The following KDM2B variants were observed in gnomAD, a reference collection of about 807,000 sequenced individuals.
KDM2B encodes lysine demethylase 2B, also known as lysine-specific demethylase 2B.
In KDM2B, 26 loss-of-function variants were observed where a neutral mutation model predicts 150.0. That is an observed-to-expected ratio of 0.17 (90% CI 0.13 to 0.24). The LOEUF is 0.24. Among genes scored for constraint, KDM2B ranks in the 10% least tolerant of loss-of-function variants. KDM2B has a pLI of 1.00. For missense variants in KDM2B, 1,265 were observed against 1,816.9 expected (o/e 0.70, Z 5.52); for synonymous variants, 734 against 729.5 (o/e 1.01, Z -0.10).
intron 22 of KDM2B, among the ~76,000 whole-genome samples, chr12:121,437,125 G>C (rs559750683): frequency 2.0e-5 from 3 of 151,960 alleles, no homozygotes; most frequent in African/African-American, 7.3e-5. Flanking sequence ...GCAGTGGGGC[G>C]GGCAGTCCCA....
At chr12:121,456,584 G>GA (rs1416711298) in intron 12 of KDM2B, among the ~76,000 whole-genome samples, 12 of 152,100 alleles carry the variant, frequency 7.9e-5, no homozygotes, top group Non-Finnish European at 8.8e-5. Flanking sequence ...GTAAAAAACT[G>GA]AAAAAATTCC....
chr12:121,573,568 C>T (rs1891274119), intron 4 of KDM2B, among the ~76,000 whole-genome samples: 1 of 151,232 alleles, frequency 6.6e-6, no homozygotes, highest in South Asian at 2.1e-4. Context: ...AGCCACCACC[C>T]TCGGCCTACT....
In KDM2B at chr12:121,439,840, G is replaced by T; in HGVS notation, c.3829+17C>A. The T allele has an allele frequency of 6.2e-7, 1 of 1,606,506 alleles. No homozygotes were observed. On this transcript the variant is annotated intron_variant, in intron 22 of 22. Transcript: ENST00000377071. ...CCACGGAGTGTTAGGCAGACCCGAT[G>T]GGGGCCCCTGACTCACCAGACAGGT...
At chr12:121,511,445 C>A (rs1885586165) in intron 10 of KDM2B, among the ~76,000 whole-genome samples, 1 of 152,144 alleles carries the variant, frequency 6.6e-6, no homozygotes, top group East Asian at 1.9e-4. Context: ...TGCCACCACA[C>A]TGAACTAATT....
intron 4 of KDM2B, among the ~76,000 whole-genome samples, chr12:121,573,027 T>C (rs1303057951): frequency 1.3e-5 from 2 of 151,816 alleles, no homozygotes; most frequent in African/African-American, 4.8e-5. Flanking sequence ...GGTTTCACCA[T>C]GTTGGCCAGG....
rs548188991 is a variant in KDM2B, at chr12:121,452,396, A to G, written c.1959+724T>C. 3.7e-4 allele frequency among the ~76,000 whole-genome samples: 57 copies of G among 152,326 alleles called. No individual in the cohort carries two copies. In the South Asian group the frequency reaches 0.011, roughly 30 times the overall value. On this transcript the variant is annotated intron_variant, in intron 13 of 22. Coordinates refer to ENST00000377071, the MANE Select transcript of KDM2B (RefSeq NM_032590.5). The surrounding 1 kb of genome is among the most constrained non-coding windows in gnomAD (Gnocchi z 4.4). ...CAGCCAAGGAGGAAGGGCTCACCCT[A>G]TGCCAGGCTGGGCCTGCAGATGAGC...
At chr12:121,448,675 A>G (rs1446601521) in intron 13 of KDM2B, among the ~76,000 whole-genome samples, 2 of 152,166 alleles carry the variant, frequency 1.3e-5, no homozygotes, top group Non-Finnish European at 2.9e-5. Context: ...AGTGAAAAAG[A>G]CTTGATTAAA....
At position 121,520,942 on chromosome 12, in the gene KDM2B, AG is replaced by A; in HGVS notation, c.1047+42del. On this transcript the variant is annotated intron_variant, in intron 9 of 22. Coordinates refer to ENST00000377071, the MANE Select transcript of KDM2B (RefSeq NM_032590.5). The surrounding 1 kb of genome is among the most constrained non-coding windows in gnomAD (Gnocchi z 4.5). ...CACACACCGAGCACCGGCAGAGCTC[AG>A]GGGCCAGGCGCGCACGCGAGGACAG... 1 of 1,488,856 alleles carries A rather than the reference AG, an allele frequency of 6.7e-7. No individual in the cohort carries two copies. The highest frequency in any genetic ancestry group is 9.4e-7 in the Non-Finnish European group (1 of 1,067,588). The allele number at this position is 1,488,856 out of a possible 1,614,324, so 92.2% of individuals were successfully genotyped here.
At chr12:121,517,618 A>G (rs1294501755) in intron 9 of KDM2B, among the ~76,000 whole-genome samples, 9 of 151,792 alleles carry the variant, frequency 5.9e-5, no homozygotes, top group Admixed American at 2.6e-4. Context: ...ACAGGCATGA[A>G]CCACCATGCC....
rs71453557 is a variant in KDM2B, at chr12:121,431,295, CTTTTTT to C, written c.3830-832_3830-827del. On this transcript the variant is annotated intron_variant, in intron 22 of 22. Transcript: ENST00000377071. ...TATAGGCGTGTGCCACCATGTGCAA[CTTTTTT>C]TTTTTTTTTTTTTTTTTTTTTGTAG... 1.6e-3 allele frequency among the ~76,000 whole-genome samples: 162 copies of C among 98,946 alleles called. 1 individual carries two copies. Among genetic ancestry groups the C allele is most frequent in the South Asian group, 3.6e-3 (9 of 2,516 alleles). 64.9% of individuals were successfully genotyped at this position (98,946 alleles called of 152,430 possible). A position where few individuals can be genotyped will look rare whatever the true frequency, so the allele number is the denominator to read the frequency against.
In KDM2B at chr12:121,542,837, CCTGT is replaced by C. The variant is rs368508093; in HGVS notation, c.683+6036_683+6039del. Among the ~76,000 whole-genome samples the C allele has an allele frequency of 4.3e-3, 655 of 152,294 alleles. 3 individuals are homozygous for C. The highest frequency in any genetic ancestry group is 0.015 in the African/African-American group (632 of 41,558). ...CCTAAATTATTCCCTCATTGGCTTTCCTGTCTCTTTTTTCCCACCACAATGTATG... is the reference window on the plus strand; with the variant it reads ...CCTAAATTATTCCCTCATTGGCTTTCCTCTTTTTTCCCACCACAATGTATG... On this transcript the variant is annotated intron_variant, in intron 6 of 22. Transcript: ENST00000377071.
intron 4 of KDM2B, among the ~76,000 whole-genome samples, chr12:121,573,268 A>AT (rs1891250734): frequency 6.7e-6 from 1 of 148,792 alleles, no homozygotes; most frequent in Non-Finnish European, 1.5e-5. Context: ...CAGATATATC[A>AT]TTGTAAACAC....
At chr12:121,493,059 CTTTTTTTTTT>C (rs61628112) in intron 12 of KDM2B, among the ~76,000 whole-genome samples, 5 of 54,080 alleles carry the variant, frequency 9.2e-5, no homozygotes, top group South Asian at 6.3e-4. Flanking sequence ...TCATGCCTGG[CTTTTTTTTTT>C]TTTTTTTTTT....
intron 4 of KDM2B, among the ~76,000 whole-genome samples, chr12:121,561,110 C>T (rs1890308595): frequency 6.6e-6 from 1 of 152,194 alleles, no homozygotes; most frequent in African/African-American, 2.4e-5. Flanking sequence ...CAACAGGTTC[C>T]AGCTGCGGAA....
At chr12:121,481,536 CG>C (rs1321527544) in intron 12 of KDM2B, among the ~76,000 whole-genome samples, 6 of 68,432 alleles carry the variant, frequency 8.8e-5, no homozygotes, top group African/African-American at 3.0e-4. Flanking sequence ...AGAAAGAAGT[CG>C]GGGGGGTGGG....
intron 11 of KDM2B, among the ~76,000 whole-genome samples, chr12:121,496,487 A>G (rs185466465): frequency 7.1e-6 from 1 of 141,430 alleles, no homozygotes; most frequent in African/African-American, 2.7e-5. Context: ...TACTCTGCTC[A>G]TTGTCCTTTT....
At position 121,430,622 on chromosome 12, in the gene KDM2B, AATC is replaced by A. The variant is rs1386187311; in HGVS notation, c.3830-156_3830-154del. ...ACTAAATAAAATGTTATTTGCTTAA[AATC>A]TCTCTTCTTCAAACGGGGAAGGGTC... On this transcript the variant is annotated intron_variant, in intron 22 of 22. Coordinates refer to ENST00000377071, the MANE Select transcript of KDM2B (RefSeq NM_032590.5). This position sits in a 1 kb window ranked among gnomAD's most constrained non-coding sequence, Gnocchi z 4.4. 8.0e-6 allele frequency: 5 copies of A among 623,682 alleles called. No individual in the cohort carries two copies. The highest frequency in any genetic ancestry group is 1.4e-5 in the Non-Finnish European group (5 of 351,182). The allele number at this position is 623,682 out of a possible 1,614,324, so 38.6% of individuals were successfully genotyped here. A position where few individuals can be genotyped will look rare whatever the true frequency, so the allele number is the denominator to read the frequency against.
At chr12:121,447,891 G>A (rs868918911) in intron 13 of KDM2B, among the ~76,000 whole-genome samples, 2 of 151,740 alleles carry the variant, frequency 1.3e-5, no homozygotes, top group East Asian at 2.0e-4. Flanking sequence ...TCCTGACCTC[G>A]AGTGATCCTC....
chr12:121,548,766 T>C lies in KDM2B; in HGVS notation c.683+111A>G, dbSNP rs372079071. The C allele has an allele frequency of 1.5e-4, 121 of 786,054 alleles. 1 individual carries two copies. The highest frequency in any genetic ancestry group is 9.5e-4 in the African/African-American group (56 of 58,854). The allele number at this position is 786,054 out of a possible 1,614,324, so 48.7% of individuals were successfully genotyped here. On this transcript the variant is annotated intron_variant, in intron 6 of 22. Coordinates refer to ENST00000377071, the MANE Select transcript of KDM2B (RefSeq NM_032590.5). ...GTCCTTCAGTTCTGAACGGGAGCGG[T>C]TGTGACGCTCAAGCCTTCACTGATG... is the stretch of plus-strand genomic sequence containing the variant.
Sources: allele counts gnomAD v4.1 joint callset (sites outside exome capture counted in the v4.1 genomes callset), GRCh38; gene constraint gnomAD v4.1.1; non-coding constraint Gnocchi (gnomAD v3.1); transcripts MANE v1.5; gene names NCBI Gene and HGNC (gene_info 2026-07-23, HGNC 2026-07-21).